CELF4: variants seen among roughly 807,000 people sequenced by gnomAD.
The protein encoded by CELF4 is CUG-BP- and ETR-3-like factor 4.
Under a neutral mutation model 59.9 loss-of-function variants are expected in CELF4, and 18 were observed. That is an observed-to-expected ratio of 0.30 (90% CI 0.21 to 0.45). CELF4 has a LOEUF of 0.45. CELF4 is among the 20% of genes least tolerant of loss of function. The probability of loss-of-function intolerance (pLI) is 1.00; values close to 1 mark genes in which losing one functional copy is unlikely to be tolerated. For missense variants in CELF4, 456 were observed against 689.0 expected, an observed-to-expected ratio of 0.66 and a Z score of 3.79; for synonymous variants, 261 against 267.1, an observed-to-expected ratio of 0.98 and a Z score of 0.22.
At chr18:37,431,012 C>G (rs571289327) in intron 2 of CELF4, among the ~76,000 whole-genome samples, 46 of 152,306 alleles carry the variant, frequency 3.0e-4, no homozygotes, top group African/African-American at 9.4e-4. Context: ...GGCCTGGCTG[C>G]TGGGTTAGGC....
At chr18:37,286,096 C>T (rs762575692) in intron 3 of CELF4, among the ~76,000 whole-genome samples, 2 of 151,606 alleles carry the variant, frequency 1.3e-5, no homozygotes, top group Admixed American at 6.6e-5. Context: ...CCAGCATGGG[C>T]GGGGGGAGGT....
intron 1 of CELF4, among the ~76,000 whole-genome samples, chr18:37,562,836 G>A (rs866355503): frequency 1.9e-4 from 29 of 152,194 alleles, no homozygotes; most frequent in Middle Eastern, 6.8e-3. Flanking sequence ...GGGACATTGT[G>A]GTCCAACCTC....
chr18:37,551,365 G>A (rs538021620), intron 1 of CELF4, among the ~76,000 whole-genome samples: 5 of 152,318 alleles, frequency 3.3e-5, no homozygotes, highest in East Asian at 3.9e-4. Context: ...GGAGAAGTAC[G>A]CCCATTCCAC....
At chr18:37,502,295 C>T (rs1243651900) in intron 1 of CELF4, among the ~76,000 whole-genome samples, 1 of 152,092 alleles carries the variant, frequency 6.6e-6, no homozygotes, top group African/African-American at 2.4e-5. Context: ...ATCCAGGCGG[C>T]TCTCCAAGAC....
rs1455709653 is a variant in CELF4 at position 37,273,022 on chromosome 18, T to G, written c.943A>C (p.Thr315Pro). 1.9e-6 allele frequency: 3 copies of G among 1,607,764 alleles called. No individual in the cohort carries two copies. Among genetic ancestry groups the G allele is most frequent in the African/African-American group, 2.7e-5 (2 of 74,794 alleles). ...NGLAAAPMTP[T>P]SGGSTPPGIT... ...TTGGCACCTGCCAGCTCACCTGAGG[T>G]TGGGGTCATAGGTGCGGCCGCCAGG... is the stretch of plus-strand genomic sequence containing the variant. Residue 315 changes from threonine to proline, a missense_variant, in exon 7 of 13, where the codon ACC becomes CCC. Thr to Pro is a conservative substitution (Grantham distance 38). This residue lies in a region of CELF4 where 256 missense variants were observed against 340.8 expected (regional missense o/e 0.75). Coordinates refer to ENST00000420428, the MANE Select transcript of CELF4 (RefSeq NM_020180.4).
intron 1 of CELF4, among the ~76,000 whole-genome samples, chr18:37,505,410 T>C (rs1206689626): frequency 6.6e-6 from 1 of 152,194 alleles, no homozygotes; most frequent in East Asian, 1.9e-4. Context: ...GCTGAAAGGG[T>C]CACATCCACC....
chr18:37,481,303 T>C (rs1240660927), intron 2 of CELF4, among the ~76,000 whole-genome samples: 1 of 152,154 alleles, frequency 6.6e-6, no homozygotes, highest in Admixed American at 6.5e-5. Context: ...TTCCCACTGC[T>C]TCCTTGCCTC....
At chr18:37,274,259 G>T in intron 6 of CELF4, 52 bp downstream of exon 6, 1 of 1,595,726 alleles carries the variant, frequency 6.3e-7, no homozygotes, top group Non-Finnish European at 8.5e-7. Flanking sequence ...GCTCTCTGAG[G>T]CTCCCAGGGG....
chr18:37,333,816 C>T (rs768258153), intron 2 of CELF4, among the ~76,000 whole-genome samples: 17 of 152,040 alleles, frequency 1.1e-4, no homozygotes, highest in Non-Finnish European at 2.2e-4. Context: ...ATCCATGCAT[C>T]CATCCATCCA....
rs115691551 is a variant in CELF4 at position 37,328,801 on chromosome 18, T to A, written c.370-6920A>T. Among the ~76,000 whole-genome samples the A allele has an allele frequency of 7.7e-3, 1,169 of 152,204 alleles. 19 individuals carry two copies. The highest frequency in any genetic ancestry group is 0.026 in the African/African-American group (1,083 of 41,550). ...GCACACACGATGGTCATGGAAACAG[T>A]GAATCAGCAGACCCGCACGCTAGAG... On this transcript the variant is annotated intron_variant, in intron 2 of 12. Coordinates refer to ENST00000420428, the MANE Select transcript of CELF4 (RefSeq NM_020180.4).
chr18:37,264,643 GA>G (rs1161382079), intron 10 of CELF4, 30 bp downstream of exon 10: 2 of 1,542,930 alleles, frequency 1.3e-6, no homozygotes, highest in African/African-American at 2.7e-5. Flanking sequence ...CAGGGGGAGG[GA>G]GGGGCCCAGG....
At chr18:37,526,701 G>C (rs1282307114) in intron 1 of CELF4, among the ~76,000 whole-genome samples, 2 of 152,188 alleles carry the variant, frequency 1.3e-5, no homozygotes, top group Admixed American at 1.3e-4. Flanking sequence ...AACTCTGGAC[G>C]TCCTTCTTGA....
At chr18:37,263,077 TG>T in intron 10 of CELF4, among the ~76,000 whole-genome samples, 1 of 152,228 alleles carries the variant, frequency 6.6e-6, no homozygotes, top group South Asian at 2.1e-4. Context: ...GGAAGGGCAG[TG>T]TGCACTGAGA....
At chr18:37,308,301 A>G (rs1423604496) in intron 3 of CELF4, among the ~76,000 whole-genome samples, 1 of 150,554 alleles carries the variant, frequency 6.6e-6, no homozygotes, top group Non-Finnish European at 1.5e-5. Flanking sequence ...GTTCCCTGAA[A>G]CCTCTTCTCT....
chr18:37,267,250 A>AC (rs2078113551), intron 8 of CELF4, among the ~76,000 whole-genome samples: 1 of 152,190 alleles, frequency 6.6e-6, no homozygotes, highest in Non-Finnish European at 1.5e-5. Flanking sequence ...GAGACCAAGG[A>AC]CCTTCCTCCT....
intron 11 of CELF4, among the ~76,000 whole-genome samples, chr18:37,255,756 G>T (rs2068893422): frequency 6.6e-6 from 1 of 152,164 alleles, no homozygotes; most frequent in African/African-American, 2.4e-5. Context: ...GCCAGGACAA[G>T]GTAGCCTGAC....
At chr18:37,430,291 C>T (rs1364844267) in intron 2 of CELF4, among the ~76,000 whole-genome samples, 2 of 152,112 alleles carry the variant, frequency 1.3e-5, no homozygotes, top group South Asian at 2.1e-4. Flanking sequence ...AACCTGGGGC[C>T]CCTTGGAAAC....
At chr18:37,299,448 C>T (rs2095862812) in intron 3 of CELF4, among the ~76,000 whole-genome samples, 1 of 152,078 alleles carries the variant, frequency 6.6e-6, no homozygotes, top group Non-Finnish European at 1.5e-5. Context: ...GTATGGGGGC[C>T]GGGCAGAACT....
chr18:37,310,635 C>T (rs1471464188), intron 3 of CELF4, among the ~76,000 whole-genome samples: 1 of 152,244 alleles, frequency 6.6e-6, no homozygotes, highest in African/African-American at 2.4e-5. Flanking sequence ...CGTCTCATCC[C>T]TCTTCCTGTC....
Sources: gnomAD v4.1 joint callset for allele counts (sites outside exome capture counted in the v4.1 genomes callset) on GRCh38, gnomAD v4.1.1 for gene constraint, gnomAD v4.1.1 regional missense constraint, MANE v1.5 for transcripts, NCBI Gene and HGNC (gene_info 2026-07-23, HGNC 2026-07-21) for gene names.